PPP2R2C: variants seen among roughly 807,000 people sequenced by gnomAD.
PPP2R2C encodes the protein protein phosphatase 2, regulatory subunit B, gamma.
In PPP2R2C, 10 loss-of-function variants were observed where a neutral mutation model predicts 45.3. The ratio of observed to expected loss-of-function variants is 0.22; its 90% CI spans 0.14 to 0.37. The LOEUF (loss-of-function observed/expected upper bound fraction) is 0.37, where lower values mean the gene tolerates loss of function less well. Ranked by LOEUF, PPP2R2C falls within the 10% of genes least tolerant of loss-of-function variation. The pLI is 1.00. For missense variants in PPP2R2C, 308 were observed against 619.7 expected (o/e 0.50, Z 5.34); for synonymous variants, 257 against 245.4 (o/e 1.05, Z -0.44).
chr4:6,360,418 G>A (rs6813943), intron 5 of PPP2R2C, among the ~76,000 whole-genome samples: 3,952 of 152,258 alleles, frequency 0.026, 184 homozygotes, highest in African/African-American at 0.09. Context: ...GAGAAAGAGG[G>A]CTGCAGCCTT....
At chr4:6,557,380 C>CA (rs974048352) in intron 1 of PPP2R2C, among the ~76,000 whole-genome samples, 83 of 142,484 alleles carry the variant, frequency 5.8e-4, no homozygotes, top group Middle Eastern at 3.4e-3. Context: ...GCAAGGTCAG[C>CA]AAAAAAAAAA....
Position 6,494,300 on chromosome 4 carries a change from G to A in PPP2R2C, c.49+40971C>T, listed in dbSNP as rs558668793. Among the ~76,000 whole-genome samples, 11 of 152,330 alleles carry A rather than the reference G, an allele frequency of 7.2e-5. No homozygotes were observed. The East Asian group carries it at 1.4e-3, about 19-fold the overall frequency. Reference sequence around the variant, plus strand: ...CCCCAAATCGCCGTCAACCTGGTCCGCTGGGTGGGTTAATATGGGTGTGAA... The same window carrying A: ...CCCCAAATCGCCGTCAACCTGGTCCACTGGGTGGGTTAATATGGGTGTGAA... On this transcript the variant is annotated intron_variant, in intron 2 of 9. Coordinates refer to the PPP2R2C transcript ENST00000506140.
At chr4:6,484,007 A>G (rs745432090) in intron 2 of PPP2R2C, among the ~76,000 whole-genome samples, 1 of 152,042 alleles carries the variant, frequency 6.6e-6, no homozygotes, top group Non-Finnish European at 1.5e-5. Context: ...TCATACTACA[A>G]TAGCAGAGTT....
intron 1 of PPP2R2C, among the ~76,000 whole-genome samples, chr4:6,460,591 C>G (rs1312160677): frequency 1.3e-5 from 2 of 152,138 alleles, no homozygotes; most frequent in Non-Finnish European, 2.9e-5. Flanking sequence ...AGGATACGCA[C>G]ACAGTAGATG....
At chr4:6,438,762 G>A (rs1486012271) in intron 1 of PPP2R2C, among the ~76,000 whole-genome samples, 5 of 152,174 alleles carry the variant, frequency 3.3e-5, no homozygotes, top group Non-Finnish European at 2.9e-5. Context: ...TATTTCATTA[G>A]AGCAGAAACA....
In PPP2R2C at chr4:6,385,016, T is replaced by C. The variant is rs560146903; in HGVS notation, c.71-3922A>G. Among the ~76,000 whole-genome samples, 10 of 152,200 alleles carry C rather than the reference T, an allele frequency of 6.6e-5. No homozygotes were observed. The South Asian group carries it at 2.1e-3, about 32-fold the overall frequency. ...CAAGTGAGACAAGGAGGTGAGAGGG[T>C]CTGGGAGGGAGGAAGAGAAGACGAG... is the stretch of plus-strand genomic sequence containing the variant. On this transcript the variant is annotated intron_variant, in intron 1 of 8. Coordinates refer to ENST00000382599, the MANE Select transcript of PPP2R2C (RefSeq NM_020416.4).
At chr4:6,446,064 C>G (rs141207170) in intron 1 of PPP2R2C, among the ~76,000 whole-genome samples, 2 of 152,308 alleles carry the variant, frequency 1.3e-5, no homozygotes, top group Non-Finnish European at 2.9e-5. Context: ...GTCACTTTAC[C>G]TAATCCCTCT....
chr4:6,374,291 T>C lies in PPP2R2C; in HGVS notation c.447+1528A>G, dbSNP rs539891024. Among the ~76,000 whole-genome samples, 5 of 152,256 alleles carry C rather than the reference T, an allele frequency of 3.3e-5. No homozygotes were observed. The South Asian group carries it at 6.2e-4, about 19-fold the overall frequency. On this transcript the variant is annotated intron_variant, in intron 4 of 8. Coordinates refer to ENST00000382599, the MANE Select transcript of PPP2R2C (RefSeq NM_020416.4). ...TCTCCAGGCGGCCTTGGGACCCAGT[T>C]CATCCAGTGCTCCAGCCATTTGCTG...
chr4:6,443,809 C>CT (rs965741620), intron 1 of PPP2R2C, among the ~76,000 whole-genome samples: 6 of 152,064 alleles, frequency 3.9e-5, no homozygotes, highest in African/African-American at 1.5e-4. Flanking sequence ...GCATCTGGTC[C>CT]AAGGGCTGCA....
chr4:6,340,021 T>C (rs1276361934), intron 6 of PPP2R2C, among the ~76,000 whole-genome samples: 6 of 152,164 alleles, frequency 3.9e-5, no homozygotes. Flanking sequence ...GTTCGGCCTC[T>C]TTCCCTATCC....
rs776110964 is a variant in PPP2R2C at position 6,328,577 on chromosome 4, C to G, written c.1052+685G>C. On this transcript the variant is annotated intron_variant, in intron 8 of 8. Transcript: ENST00000382599. This position sits in a 1 kb window ranked among gnomAD's most constrained non-coding sequence, Gnocchi z 4.4. Reference sequence around the variant, plus strand: ...GAAGAGACACAGAGGTAAGGACCCACGGGTAGAGGTCAGGTCAGGAGCCCC... The same window carrying G: ...GAAGAGACACAGAGGTAAGGACCCAGGGGTAGAGGTCAGGTCAGGAGCCCC... 1.3e-5 allele frequency among the ~76,000 whole-genome samples: 2 copies of G among 152,216 alleles called. No individual in the cohort carries two copies. The highest frequency in any genetic ancestry group is 4.8e-5 in the African/African-American group (2 of 41,454).
At chr4:6,341,302 G>GCA (rs1733423500) in intron 6 of PPP2R2C, among the ~76,000 whole-genome samples, 1 of 142,144 alleles carries the variant, frequency 7.0e-6, no homozygotes, top group Non-Finnish European at 1.5e-5. Context: ...TCATGCCATT[G>GCA]CACTCCAGCC....
chr4:6,455,297 TG>T (rs1295339439), intron 1 of PPP2R2C, among the ~76,000 whole-genome samples: 2 of 152,198 alleles, frequency 1.3e-5, no homozygotes, highest in Non-Finnish European at 1.5e-5. Flanking sequence ...CATCCCTACC[TG>T]GACAGACACA....
rs142169224 is a variant in PPP2R2C, at chr4:6,328,776, C to A, written c.1052+486G>T. The stretch of plus-strand genomic sequence containing the variant: ...GTAGGAGCTCCAAGGTGCCCCTGAG[C>A]CTCAGCGGGCCCGAGTGGGGTGTCA... On this transcript the variant is annotated intron_variant, in intron 8 of 8. Transcript: ENST00000382599. This position sits in a 1 kb window ranked among gnomAD's most constrained non-coding sequence, Gnocchi z 4.4. 3.1e-3 allele frequency among the ~76,000 whole-genome samples: 476 copies of A among 152,270 alleles called. 3 individuals carry two copies. Among genetic ancestry groups the A allele is most frequent in the Middle Eastern group, 0.014 (4 of 294 alleles).
At chr4:6,417,378 A>G (rs1314864956) in intron 1 of PPP2R2C, among the ~76,000 whole-genome samples, 2 of 152,178 alleles carry the variant, frequency 1.3e-5, no homozygotes, top group Admixed American at 6.5e-5. Context: ...CTGTCTGCTG[A>G]CCCAGGCCTT....
chr4:6,373,830 T>G (rs930929399), intron 4 of PPP2R2C, among the ~76,000 whole-genome samples: 3 of 152,036 alleles, frequency 2.0e-5, no homozygotes, highest in Non-Finnish European at 4.4e-5. Context: ...TGAGAGTTCA[T>G]GTATGAGTGT....
chr4:6,550,219 T>C (rs889522070), intron 1 of PPP2R2C, among the ~76,000 whole-genome samples: 1 of 151,942 alleles, frequency 6.6e-6, no homozygotes. Context: ...CTTCTCCACC[T>C]CCAAGCTTCC....
chr4:6,413,129 C>T (rs1409800415), intron 1 of PPP2R2C, among the ~76,000 whole-genome samples: 1 of 152,082 alleles, frequency 6.6e-6, no homozygotes, highest in Non-Finnish European at 1.5e-5. Context: ...CTATTTCCCC[C>T]GAGAATAAAC....
chr4:6,432,221 C>G lies in PPP2R2C; in HGVS notation c.70+39939G>C, dbSNP rs568751161. Among the ~76,000 whole-genome samples, 16 of 152,344 alleles carry G rather than the reference C, an allele frequency of 1.1e-4. No individual in the cohort carries two copies. The South Asian group carries it at 2.7e-3, about 26-fold the overall frequency. On this transcript the variant is annotated intron_variant, in intron 1 of 8. Transcript: ENST00000382599. ...CCAGTAAGTGGCTTCTGCTTCCTAC[C>G]TGTCCCCACCCTCCCTTGCCTCTCC...
Sources: gnomAD v4.1 joint callset for allele counts (sites outside exome capture counted in the v4.1 genomes callset) on GRCh38, gnomAD v4.1.1 for gene constraint, Gnocchi (gnomAD v3.1) non-coding constraint, MANE v1.5 for transcripts, NCBI Gene and HGNC (gene_info 2026-07-23, HGNC 2026-07-21) for gene names.